The following FBN3 variants were observed in gnomAD, a reference collection of about 807,000 sequenced individuals.
FBN3 encodes fibrillin 3, also known as fibrillin-3.
A neutral mutation model predicts 330.1 loss-of-function variants in FBN3; 234 were observed. The ratio of observed to expected loss-of-function variants is 0.71; its 90% confidence interval spans 0.64 to 0.79. The LOEUF is 0.79. Ranked by LOEUF, FBN3 falls within the 30% of genes least tolerant of loss-of-function variation. The probability of loss-of-function intolerance (pLI) is 0.00; values close to 1 mark genes in which losing one functional copy is unlikely to be tolerated. For synonymous variants in FBN3, 1,458 were observed against 1,517.3 expected (o/e 0.96, Z 0.91); for missense variants, 3,606 against 3,886.9 (o/e 0.93, Z 1.92).
At chr19:8,142,250 T>C (rs1050512931) in intron 6 of FBN3, 113 bp from the exon 7 acceptor site, 3 of 770,262 alleles carry the variant, frequency 3.9e-6, no homozygotes, top group Non-Finnish European at 6.2e-6. Flanking sequence ...GCTTTACTTA[T>C]GCTGCTCCCT....
At chr19:8,133,232 G>T in intron 13 of FBN3, 126 bp from the exon 14 acceptor site, 2 of 1,218,950 alleles carry the variant, frequency 1.6e-6, no homozygotes, top group African/African-American at 1.5e-5. Context: ...AACAAGCTGT[G>T]GTTGTCTGTG....
At chr19:8,132,072 C>T (rs949112167) in intron 14 of FBN3, among the ~76,000 whole-genome samples, 1 of 152,056 alleles carries the variant, frequency 6.6e-6, no homozygotes, top group East Asian at 1.9e-4. Context: ...ATTTTTTAAA[C>T]GCAGGGTCTG....
intron 22 of FBN3, 54 bp from the exon 23 acceptor site, chr19:8,124,062 G>A: frequency 9.6e-6 from 14 of 1,462,000 alleles, no homozygotes; most frequent in East Asian, 2.4e-5. Context: ...TGCCCACTGC[G>A]GGACAGGCGT....
At position 8,142,234 on chromosome 19, in the gene FBN3, GACC is replaced by G. The variant is rs2083434865; in HGVS notation, c.542-100_542-98del. ...CTTCTCAGCGGCCCCTGCACCCACA[GACC>G]AGGCTTTACTTATGCTGCTCCCTTA... On this transcript the variant is annotated intron_variant, in intron 6 of 63. Transcript: ENST00000600128. 6 of 949,818 alleles carry G rather than the reference GACC, an allele frequency of 6.3e-6. No homozygotes were observed. In the South Asian group the frequency reaches 9.7e-5, roughly 15 times the overall value. 58.8% of individuals were successfully genotyped at this position (949,818 alleles called of 1,614,324 possible).
In FBN3 at chr19:8,117,543, C is replaced by T. The variant is rs1187937946; in HGVS notation, c.3384G>A (p.Gln1128=). The change falls in exon 27 of 64, where the codon CAG becomes CAA. Residue 1128 remains glutamine, a synonymous_variant. Transcript: ENST00000600128. ...GGAAGGCACCGATGACATTGACACACTGGCCATGGGGACACAGGCCATCAC... is the reference window on the plus strand; with the variant it reads ...GGAAGGCACCGATGACATTGACACATTGGCCATGGGGACACAGGCCATCAC... ...SLSDGLCPHG[Q]CVNVIGAFQC... 1.3e-6 allele frequency: 2 copies of T among 1,558,104 alleles called. No individual in the cohort carries two copies. Among genetic ancestry groups the T allele is most frequent in the South Asian group, 2.4e-5 (2 of 84,308 alleles).
Position 8,091,557 on chromosome 19 carries a change from C to T in FBN3, c.5939G>A (p.Cys1980Tyr), listed in dbSNP as rs1193894249. 1.7e-5 allele frequency: 27 copies of T among 1,614,072 alleles called. No homozygotes were observed. The highest frequency in any genetic ancestry group is 2.1e-5 in the Non-Finnish European group (25 of 1,180,048). ...GCTGTTGGTACAGGTGCCAAAGAGGCAGAGGTTGGGCTCCTCTGAGCACTC... is the reference window on the plus strand; with the variant it reads ...GCTGTTGGTACAGGTGCCAAAGAGGTAGAGGTTGGGCTCCTCTGAGCACTC... ...IDECSEEPNL[C>Y]LFGTCTNSPG... The change falls in exon 48 of 64, where the codon TGC becomes TAC. Residue 1980 changes from cysteine to tyrosine, a missense_variant. By Grantham distance (194) the Cys-to-Tyr change is radical. Coordinates refer to ENST00000600128, the MANE Select transcript of FBN3 (RefSeq NM_032447.5).
At position 8,110,846 on chromosome 19, in the gene FBN3, T is replaced by G; in HGVS notation, c.4332A>C (p.Thr1444=). The G allele has an allele frequency of 6.2e-7, 1 of 1,614,156 alleles. No homozygotes were observed. Among genetic ancestry groups the G allele is most frequent in the South Asian group, 1.1e-5 (1 of 91,086 alleles). The part of the protein sequence containing the change: ...YELDRGGGNC[T]DINECADPVN... The stretch of plus-strand genomic sequence containing the variant: ...CTTCCAGCCCAGATGACCTCACACC[T>G]GTGCAGTTGCCACCCCCTCGGTCCA... Residue 1444 remains threonine (T), a splice_region_variant and synonymous_variant, in exon 34 of 64, where the codon ACA becomes ACC. Coordinates refer to ENST00000600128, the MANE Select transcript of FBN3 (RefSeq NM_032447.5).
In FBN3 at chr19:8,136,025, C is replaced by G; in HGVS notation, c.1527G>C (p.Glu509Asp). The G allele has an allele frequency of 6.2e-7, 1 of 1,607,898 alleles. No individual in the cohort carries two copies. The highest frequency in any genetic ancestry group is 8.5e-7 in the Non-Finnish European group (1 of 1,177,210). Residue 509 changes from glutamate (E) to aspartate (D), a missense_variant, in exon 13 of 64, where the codon GAG (glutamate) becomes GAC (aspartate). By Grantham distance (45) the Glu-to-Asp change is conservative. Transcript: ENST00000600128. ...CATTGCAGACACACTGGAAGCTGCC[C>G]TCTGTGTTGACACAGCGGCCCAGGT... ...LCHLGRCVNTEGSFQCVCNAG... is the reference protein window; with the variant it reads ...LCHLGRCVNTDGSFQCVCNAG...
rs748857376 is a variant in FBN3 at position 8,115,497 on chromosome 19, C to A, written c.3838+18G>T. The A allele has an allele frequency of 3.7e-6, 6 of 1,612,520 alleles. No individual in the cohort carries two copies. The South Asian group carries it at 4.4e-5, about 12-fold the overall frequency. The stretch of plus-strand genomic sequence containing the variant: ...CCCGGGGAGTCCCCTCTGCCTGCAC[C>A]GCTGACCGCCGGCTCACCAGAGCAG... On this transcript the variant is annotated intron_variant, in intron 30 of 63. Transcript: ENST00000600128.
At chr19:8,147,721 C>A (rs2083585662) in intron 1 of FBN3, 1 of 399,520 alleles carries the variant, frequency 2.5e-6, no homozygotes, top group Non-Finnish European at 4.4e-6. Flanking sequence ...GGGTGCACAG[C>A]CAAGGCAAGA....
intron 50 of FBN3, 33 bp downstream of exon 50, chr19:8,089,861 A>G: frequency 6.4e-7 from 1 of 1,573,620 alleles, no homozygotes; most frequent in Non-Finnish European, 8.6e-7. Flanking sequence ...GGTGGCCCAG[A>G]AGGGGCTCTT....
At chr19:8,102,470 G>A (rs369877580) in intron 40 of FBN3, among the ~76,000 whole-genome samples, 18 of 151,714 alleles carry the variant, frequency 1.2e-4, no homozygotes, top group Non-Finnish European at 2.2e-4. Context: ...CACCCGCCTC[G>A]GCCTCCCAAA....
chr19:8,127,075 T>TTTG (rs149929971), intron 18 of FBN3, among the ~76,000 whole-genome samples: 1 of 134,834 alleles, frequency 7.4e-6, no homozygotes, highest in Non-Finnish European at 1.6e-5. Flanking sequence ...TTTTTTTTTT[T>TTTG]GAGACAGAGT....
chr19:8,109,786 G>T lies in FBN3; in HGVS notation c.4334-33C>A. 1 of 1,433,678 alleles carries T rather than the reference G, an allele frequency of 7.0e-7. No individual in the cohort carries two copies. The highest frequency in any genetic ancestry group is 1.5e-5 in the African/African-American group (1 of 68,824). 88.8% of individuals were successfully genotyped at this position (1,433,678 alleles called of 1,614,324 possible). ...GAGGAAGCGCGGTCCTCAGCAGGGAGCCCCTTCCTCGGCCCCCCTCCCTCC... is the reference window on the plus strand; with the variant it reads ...GAGGAAGCGCGGTCCTCAGCAGGGATCCCCTTCCTCGGCCCCCCTCCCTCC... On this transcript the variant is annotated intron_variant, in intron 34 of 63. Coordinates refer to ENST00000600128, the MANE Select transcript of FBN3 (RefSeq NM_032447.5). This position sits in a 1 kb window ranked among gnomAD's most constrained non-coding sequence, Gnocchi z 5.2.
intron 18 of FBN3, among the ~76,000 whole-genome samples, 178 bp from the exon 19 acceptor site, chr19:8,127,010 T>A (rs1033370782): frequency 1.3e-5 from 2 of 148,448 alleles, no homozygotes; most frequent in African/African-American, 4.9e-5. Context: ...TGCTGAGCTG[T>A]GTGTGTACAT....
intron 59 of FBN3, among the ~76,000 whole-genome samples, chr19:8,080,505 C>A (rs1345623232): frequency 6.6e-6 from 1 of 152,188 alleles, no homozygotes; most frequent in East Asian, 1.9e-4. Context: ...GGGCCTCTCT[C>A]CTCCCAAAGG....
chr19:8,118,401 A>C (rs1228334307), intron 26 of FBN3, among the ~76,000 whole-genome samples: 1 of 152,190 alleles, frequency 6.6e-6, no homozygotes, highest in African/African-American at 2.4e-5. Flanking sequence ...TGGAGGCTGC[A>C]GTGAGCTGTG....
At chr19:8,141,900 C>T (rs572401011) in intron 7 of FBN3, 40 bp downstream of exon 7, 1 of 1,612,538 alleles carries the variant, frequency 6.2e-7, no homozygotes, top group East Asian at 2.2e-5. Context: ...AGAACCAAGG[C>T]AGCTAAGGCC....
At chr19:8,081,185 G>A in intron 58 of FBN3, 66 bp from the exon 59 acceptor site, 2 of 1,519,600 alleles carry the variant, frequency 1.3e-6, no homozygotes, top group Non-Finnish European at 9.1e-7. Flanking sequence ...CTTCCCAGGG[G>A]CTGCCCTTGC....
Sources: gnomAD v4.1 joint callset for allele counts (sites outside exome capture counted in the v4.1 genomes callset) on GRCh38, gnomAD v4.1.1 for gene constraint, Gnocchi (gnomAD v3.1) non-coding constraint, MANE v1.5 for transcripts, NCBI Gene and HGNC (gene_info 2026-07-23, HGNC 2026-07-21) for gene names.